The following ESRRB variants were observed in gnomAD, a reference collection of about 807,000 sequenced individuals.
ESRRB encodes steroid hormone receptor ERR2.
Under a neutral mutation model 46.0 loss-of-function variants are expected in ESRRB, and 16 were observed. That is an observed-to-expected ratio of 0.35 (90% CI 0.24 to 0.53). ESRRB has a LOEUF of 0.53. ESRRB is among the 20% of genes least tolerant of loss of function. The pLI is 0.93. For missense variants in ESRRB, 488 were observed against 607.4 expected (o/e 0.80, Z 2.07); for synonymous variants, 246 against 259.6 (o/e 0.95, Z 0.50).
rs921080294 is a variant in ESRRB, at chr14:76,498,293, G to C, written c.1200G>C (p.Leu400=). The C allele has an allele frequency of 6.2e-7, 1 of 1,613,706 alleles. No individual in the cohort carries two copies. Among genetic ancestry groups the C allele is most frequent in the Non-Finnish European group, 8.5e-7 (1 of 1,179,984 alleles). Residue 400 remains leucine, a synonymous_variant, in exon 7 of 7, where the codon CTG becomes CTC. Coordinates refer to ENST00000644823, the MANE Select transcript of ESRRB (RefSeq NM_001379180.1). The part of the protein sequence containing the change: ...LLHEALQDYE[L]SQRHEEPWRT... ...ACGAGGCACTGCAGGACTACGAGCT[G>C]AGCCAGCGCCATGAGGAGCCCTGGA...
intron 1 of ESRRB, among the ~76,000 whole-genome samples, chr14:76,420,741 G>T (rs1886921021): frequency 6.6e-6 from 1 of 152,036 alleles, no homozygotes; most frequent in African/African-American, 2.4e-5. Flanking sequence ...AGGGATGGAC[G>T]GTCCTTTTCA....
chr14:76,351,046 TG>T (rs1679054553), intron 1 of ESRRB, among the ~76,000 whole-genome samples: 1 of 152,128 alleles, frequency 6.6e-6, no homozygotes, highest in Non-Finnish European at 1.5e-5. Context: ...GACCACAGGT[TG>T]GGGGTAGATG....
At chr14:76,467,906 C>G (rs1422715788) in intron 3 of ESRRB, among the ~76,000 whole-genome samples, 1 of 152,160 alleles carries the variant, frequency 6.6e-6, no homozygotes, top group African/African-American at 2.4e-5. Context: ...CCTCCCAAGC[C>G]CGCTCCATTT....
chr14:76,446,352 G>GT (rs72096180), intron 2 of ESRRB, among the ~76,000 whole-genome samples: 14,519 of 149,818 alleles, frequency 0.097, 1,323 homozygotes, highest in African/African-American at 0.24. Flanking sequence ...TGAAAGGGAG[G>GT]TTTTTTTCTG....
chr14:76,363,186 T>C (rs1317605742), intron 1 of ESRRB, among the ~76,000 whole-genome samples: 1 of 152,350 alleles, frequency 6.6e-6, no homozygotes, highest in East Asian at 1.9e-4. Flanking sequence ...ATATTTGGTC[T>C]CATTATGGCC....
intron 1 of ESRRB, among the ~76,000 whole-genome samples, chr14:76,351,986 T>TAAAAAAAAAAAAAAAAA (rs201356393): frequency 6.8e-4 from 62 of 91,754 alleles, no homozygotes; most frequent in East Asian, 2.1e-3. Context: ...CCCAGTCTCT[T>TAAAAAAAAAAAAAAAAA]AAAAAAAAAA....
intron 6 of ESRRB, 149 bp from the exon 7 acceptor site, chr14:76,498,065 T>C: frequency 3.3e-6 from 3 of 917,056 alleles, no homozygotes; most frequent in South Asian, 2.7e-5. Context: ...TTCTGTGACC[T>C]CTCTGGGCCT....
chr14:76,413,438 C>A (rs1886526088), intron 1 of ESRRB, among the ~76,000 whole-genome samples: 1 of 152,278 alleles, frequency 6.6e-6, no homozygotes, highest in South Asian at 2.1e-4. Flanking sequence ...GTCCCAGTGC[C>A]CAGAATGCCA....
At chr14:76,430,970 A>G (rs1887415341) in intron 1 of ESRRB, among the ~76,000 whole-genome samples, 1 of 152,138 alleles carries the variant, frequency 6.6e-6, no homozygotes, top group Non-Finnish European at 1.5e-5. Flanking sequence ...CAGGCCACCT[A>G]GTGTGGGAAA....
At chr14:76,484,963 G>A (rs1246944375) in intron 5 of ESRRB, among the ~76,000 whole-genome samples, 1 of 152,192 alleles carries the variant, frequency 6.6e-6, no homozygotes, top group South Asian at 2.1e-4. Flanking sequence ...GCTTACCAGC[G>A]CTGTTGTAGT....
intron 3 of ESRRB, among the ~76,000 whole-genome samples, chr14:76,473,051 T>A (rs898880839): frequency 1.3e-5 from 2 of 152,208 alleles, no homozygotes; most frequent in African/African-American, 4.8e-5. Flanking sequence ...TCTGAGGTTA[T>A]ATGGGACTGG....
intron 3 of ESRRB, among the ~76,000 whole-genome samples, chr14:76,472,882 G>C (rs1889427901): frequency 6.6e-6 from 1 of 152,160 alleles, no homozygotes; most frequent in Non-Finnish European, 1.5e-5. Context: ...GAAAAAACGG[G>C]TTTAGCACAG....
intron 2 of ESRRB, among the ~76,000 whole-genome samples, chr14:76,461,041 T>TC (rs1244574192): frequency 6.6e-6 from 1 of 151,406 alleles, no homozygotes; most frequent in Non-Finnish European, 1.5e-5. Context: ...CCACCTGCTC[T>TC]CCCCCCATCG....
intron 5 of ESRRB, among the ~76,000 whole-genome samples, chr14:76,489,985 C>T (rs949899195): frequency 6.6e-6 from 1 of 152,204 alleles, no homozygotes; most frequent in African/African-American, 2.4e-5. Context: ...GGGAGAGGTG[C>T]CCAGCACTGT....
intron 1 of ESRRB, among the ~76,000 whole-genome samples, chr14:76,314,199 G>T (rs1285598563): frequency 1.3e-5 from 2 of 152,194 alleles, no homozygotes; most frequent in African/African-American, 4.8e-5. Flanking sequence ...CTTGCAAAGT[G>T]GAAGGCAGTG....
At chr14:76,413,558 G>T (rs1886531690) in intron 1 of ESRRB, among the ~76,000 whole-genome samples, 1 of 152,116 alleles carries the variant, frequency 6.6e-6, no homozygotes, top group Non-Finnish European at 1.5e-5. Context: ...ACTAAGGAGG[G>T]TTAGACACTC....
chr14:76,383,069 C>A (rs190186336), intron 1 of ESRRB, among the ~76,000 whole-genome samples: 2 of 152,288 alleles, frequency 1.3e-5, no homozygotes, highest in Non-Finnish European at 2.9e-5. Context: ...TATTTAAAAT[C>A]GTATCAGAGA....
At chr14:76,401,911 A>T (rs531297640) in intron 1 of ESRRB, among the ~76,000 whole-genome samples, 86 of 152,338 alleles carry the variant, frequency 5.6e-4, no homozygotes, top group Non-Finnish European at 1.0e-3. Flanking sequence ...AAGTCCCAAA[A>T]TCTGCAGGGT....
chr14:76,325,889 C>T (rs1031373964), intron 1 of ESRRB, among the ~76,000 whole-genome samples: 1 of 152,228 alleles, frequency 6.6e-6, no homozygotes, highest in African/African-American at 2.4e-5. Context: ...GTGAATTCCT[C>T]TACTGCACTC....
Sources: gnomAD v4.1 joint callset for allele counts (sites outside exome capture counted in the v4.1 genomes callset) on GRCh38, gnomAD v4.1.1 for gene constraint, MANE v1.5 for transcripts, NCBI Gene and HGNC (gene_info 2026-07-23, HGNC 2026-07-21) for gene names.